The following RAB20 variants were observed in gnomAD, a reference collection of about 807,000 sequenced individuals.
RAB20 encodes the protein ras-related protein Rab-20.
RAB20 carries 2 observed loss-of-function variants against 3.7 expected under a neutral mutation model. The observed-to-expected ratio is 0.54, with a 90% CI of 0.22 to 1.69. The LOEUF (loss-of-function observed/expected upper bound fraction) is 1.69. RAB20 is among the 40% of genes most tolerant of loss of function. RAB20 has a pLI of 0.19. For missense variants in RAB20, 276 were observed against 311.9 expected, an observed-to-expected ratio of 0.88 and a Z score of 0.87; for synonymous variants, 126 against 130.8, an observed-to-expected ratio of 0.96 and a Z score of 0.25.
chr13:110,561,421 C>A lies in RAB20; in HGVS notation c.99G>T (p.Thr33=). Reference sequence around the variant, plus strand: ...AGAAGGCGCCGCCCACCGTGCTGACCGTGTCCGGGAAGCGCCGCTCCATAT... The same window carrying A: ...AGAAGGCGCCGCCCACCGTGCTGACAGTGTCCGGGAAGCGCCGCTCCATAT... ...QRYMERRFPD[T]VSTVGGAFYL... Residue 33 remains threonine, a synonymous_variant, in exon 1 of 2, where the codon ACG becomes ACT. Coordinates refer to ENST00000267328, the MANE Select transcript of RAB20 (RefSeq NM_017817.3). 1 of 1,609,970 alleles carries A rather than the reference C, an allele frequency of 6.2e-7. No homozygotes were observed. Among genetic ancestry groups the A allele is most frequent in the Non-Finnish European group, 8.5e-7 (1 of 1,178,120 alleles).
At chr13:110,538,238 CAAAAA>C (rs570075617) in intron 1 of RAB20, among the ~76,000 whole-genome samples, 4 of 78,528 alleles carry the variant, frequency 5.1e-5, no homozygotes, top group Non-Finnish European at 1.0e-4. Context: ...GACCTTGTCT[CAAAAA>C]AAAAAAAAAA....
chr13:110,524,075 T>C lies in RAB20; in HGVS notation c.295A>G (p.Thr99Ala). Residue 99 changes from threonine to alanine, a missense_variant, in exon 2 of 2, where the codon ACA becomes GCA. Physicochemically the swap from Thr to Ala is moderately conservative, Grantham distance 58 (BLOSUM62 0). Transcript: ENST00000267328. ...AGGCAGTCTTTGCTGGCTGTGTCTG[T>C]CAGGCCCAGGAACCGGTCCTCCAGC... ...VELEDRFLGLTDTASKDCLFA... is the reference protein window; with the variant it reads ...VELEDRFLGLADTASKDCLFA... 3 of 1,613,922 alleles carry C rather than the reference T, an allele frequency of 1.9e-6. No individual in the cohort carries two copies. Among genetic ancestry groups the C allele is most frequent in the Admixed American group, 1.7e-5 (1 of 60,020 alleles).
chr13:110,556,945 T>C (rs1174143795), intron 1 of RAB20, among the ~76,000 whole-genome samples: 1 of 152,174 alleles, frequency 6.6e-6, no homozygotes, highest in African/African-American at 2.4e-5. Flanking sequence ...GCTTTAGAAC[T>C]GGGCAATGGC....
intron 1 of RAB20, among the ~76,000 whole-genome samples, chr13:110,529,835 G>A (rs1884499717): frequency 6.6e-6 from 1 of 152,150 alleles, no homozygotes; most frequent in African/African-American, 2.4e-5. Flanking sequence ...GGAGCCTGGG[G>A]CTCTAGGTTC....
chr13:110,549,208 T>G (rs395657), intron 1 of RAB20, among the ~76,000 whole-genome samples: 8,760 of 152,322 alleles, frequency 0.058, 832 homozygotes, highest in African/African-American at 0.2. Context: ...AATGCTTTGC[T>G]TGGAGCTACA....
rs1566587237 is a variant in RAB20, at chr13:110,539,561, TTTG to T, written c.173-15367_173-15365del. 9.7e-4 allele frequency among the ~76,000 whole-genome samples: 135 copies of T among 139,816 alleles called. 1 individual carries two copies. The highest frequency in any genetic ancestry group is 3.0e-3 in the African/African-American group (114 of 38,642). 91.7% of individuals were successfully genotyped at this position (139,816 alleles called of 152,430 possible). On this transcript the variant is annotated intron_variant, in intron 1 of 1. Transcript: ENST00000267328. ...GTTTTTTGTTTTTGTTTTTGGGTTT[TTTG>T]TTTTTTTTTTTTGAGATGGAGTCTC...
chr13:110,524,230 A>C lies in RAB20; in HGVS notation c.173-33T>G, dbSNP rs763619301. Reference sequence around the variant, plus strand: ...GAAGAGAGGGACAGAAAGAGTGGTTATCTCTCATCTCAGAACATAGCCACC... The same window carrying C: ...GAAGAGAGGGACAGAAAGAGTGGTTCTCTCTCATCTCAGAACATAGCCACC... On this transcript the variant is annotated intron_variant, in intron 1 of 1. Coordinates refer to ENST00000267328, the MANE Select transcript of RAB20 (RefSeq NM_017817.3). 17 of 1,544,910 alleles carry C rather than the reference A, an allele frequency of 1.1e-5. No individual in the cohort carries two copies. The Admixed American group carries it at 1.7e-4, about 15-fold the overall frequency.
intron 1 of RAB20, among the ~76,000 whole-genome samples, chr13:110,544,970 T>C (rs1280039023): frequency 6.6e-6 from 1 of 152,234 alleles, no homozygotes; most frequent in Non-Finnish European, 1.5e-5. Flanking sequence ...TCATGAGATC[T>C]GATGGTTTTA....
chr13:110,552,183 C>T (rs532091543), intron 1 of RAB20, among the ~76,000 whole-genome samples: 76 of 151,516 alleles, frequency 5.0e-4, no homozygotes, highest in Non-Finnish European at 1.0e-4. Flanking sequence ...GTTCAAGACT[C>T]GCCTGACCAA....
chr13:110,551,706 T>C (rs1884954520), intron 1 of RAB20, among the ~76,000 whole-genome samples: 2 of 152,126 alleles, frequency 1.3e-5, no homozygotes, highest in African/African-American at 4.8e-5. Flanking sequence ...CGTGTGTGTA[T>C]GTTTGTACAA....
At chr13:110,534,035 C>T (rs1050018942) in intron 1 of RAB20, among the ~76,000 whole-genome samples, 5 of 152,140 alleles carry the variant, frequency 3.3e-5, no homozygotes, top group Admixed American at 6.5e-5. Context: ...TGTATCTGGT[C>T]GGGCCCCGGT....
At chr13:110,547,603 G>A (rs1884876353) in intron 1 of RAB20, among the ~76,000 whole-genome samples, 1 of 152,172 alleles carries the variant, frequency 6.6e-6, no homozygotes, top group South Asian at 2.1e-4. Context: ...GCAGGCTGGT[G>A]AGATTAAGTG....
intron 1 of RAB20, among the ~76,000 whole-genome samples, chr13:110,543,515 C>A (rs1278670387): frequency 2.6e-5 from 4 of 152,176 alleles, no homozygotes; most frequent in Non-Finnish European, 5.9e-5. Flanking sequence ...AATCCCTTAT[C>A]AGCTGTATGC....
rs906614249 is a variant in RAB20, at chr13:110,555,073, G to A, written c.172+6275C>T. ...CAGTCTGTAGGACGGCAACGTTGACGCCTCCCAGGAGGAGCCTTGTGAAAA... is the reference window on the plus strand; with the variant it reads ...CAGTCTGTAGGACGGCAACGTTGACACCTCCCAGGAGGAGCCTTGTGAAAA... On this transcript the variant is annotated intron_variant, in intron 1 of 1. Transcript: ENST00000267328. This position sits in a 1 kb window ranked among gnomAD's most constrained non-coding sequence, Gnocchi z 4.0. 5.3e-5 allele frequency among the ~76,000 whole-genome samples: 8 copies of A among 152,144 alleles called. No individual in the cohort carries two copies. Among genetic ancestry groups the A allele is most frequent in the African/African-American group, 1.7e-4 (7 of 41,436 alleles).
At chr13:110,538,612 AAAAAAAGAAAGAAAAG>A (rs1468361890) in intron 1 of RAB20, among the ~76,000 whole-genome samples, 15 of 134,276 alleles carry the variant, frequency 1.1e-4, no homozygotes, top group African/African-American at 3.9e-4. Context: ...AAAAAAAAAA[AAAAAAAGAAAGAAAAG>A]AAAAGAAAAG....
chr13:110,525,487 C>G (rs446995), intron 1 of RAB20, among the ~76,000 whole-genome samples: 108,472 of 152,166 alleles, frequency 0.71, 38,782 homozygotes, highest in Middle Eastern at 0.72. Context: ...CAAGGGGGCC[C>G]GCTCACCTCC....
At chr13:110,540,639 G>A (rs936347008) in intron 1 of RAB20, among the ~76,000 whole-genome samples, 17 of 151,980 alleles carry the variant, frequency 1.1e-4, no homozygotes, top group Non-Finnish European at 1.9e-4. Context: ...CTACTCGGGA[G>A]GCTGAGGCAG....
intron 1 of RAB20, among the ~76,000 whole-genome samples, chr13:110,536,036 T>A (rs551770055): frequency 6.6e-6 from 1 of 152,254 alleles, no homozygotes; most frequent in African/African-American, 2.4e-5. Context: ...AGACCCTTAA[T>A]CACATCTAAC....
At chr13:110,541,895 A>G (rs1017503724) in intron 1 of RAB20, among the ~76,000 whole-genome samples, 1 of 151,956 alleles carries the variant, frequency 6.6e-6, no homozygotes, top group Non-Finnish European at 1.5e-5. Context: ...TCACAGTTGC[A>G]TTTCTTTCTC....
Sources: gnomAD v4.1 joint callset for allele counts (sites outside exome capture counted in the v4.1 genomes callset) on GRCh38, gnomAD v4.1.1 for gene constraint, Gnocchi (gnomAD v3.1) non-coding constraint, MANE v1.5 for transcripts, NCBI Gene and HGNC (gene_info 2026-07-23, HGNC 2026-07-21) for gene names.